SYN3: variants seen among roughly 807,000 people sequenced by gnomAD.
The protein encoded by SYN3 is synapsin-3.
A neutral mutation model predicts 65.8 loss-of-function variants in SYN3; 35 were observed. That is an observed-to-expected ratio of 0.53 (90% CI 0.41 to 0.70). The LOEUF (loss-of-function observed/expected upper bound fraction) is 0.70, where lower values mean the gene tolerates loss of function less well. Among genes scored for constraint, SYN3 ranks in the 30% least tolerant of loss-of-function variants. The pLI is 0.00. For synonymous variants in SYN3, 270 were observed against 292.9 expected, an observed-to-expected ratio of 0.92 and a Z score of 0.80; for missense variants, 680 against 749.0, an observed-to-expected ratio of 0.91 and a Z score of 1.08.
At chr22:32,610,278 C>A (rs1455708917) in intron 6 of SYN3, among the ~76,000 whole-genome samples, 1 of 150,828 alleles carries the variant, frequency 6.6e-6, no homozygotes, top group Non-Finnish European at 1.5e-5. Context: ...AAGATTCTGT[C>A]CCCCTGCCCC....
chr22:32,651,113 A>G (rs1304214119), intron 6 of SYN3, among the ~76,000 whole-genome samples: 1 of 152,174 alleles, frequency 6.6e-6, no homozygotes, highest in Non-Finnish European at 1.5e-5. Flanking sequence ...AAGAGCACAG[A>G]AGGCCAAGAA....
intron 4 of SYN3, among the ~76,000 whole-genome samples, chr22:32,891,650 GC>G (rs1450986383): frequency 2.0e-5 from 3 of 152,160 alleles, no homozygotes; most frequent in Non-Finnish European, 4.4e-5. Flanking sequence ...GCCTCAGTTT[GC>G]TTATCTGTAA....
chr22:32,835,912 A>G (rs1229787626), intron 6 of SYN3, among the ~76,000 whole-genome samples: 7 of 152,328 alleles, frequency 4.6e-5, no homozygotes, highest in Admixed American at 3.3e-4. Flanking sequence ...CTCCACCTCA[A>G]AGTTCTCACC....
At chr22:32,913,866 A>G (rs1306741997) in intron 4 of SYN3, among the ~76,000 whole-genome samples, 1 of 152,228 alleles carries the variant, frequency 6.6e-6, no homozygotes, top group Admixed American at 6.5e-5. Flanking sequence ...TAAAAATAGC[A>G]AAAGTCTCAC....
intron 4 of SYN3, among the ~76,000 whole-genome samples, chr22:32,926,627 T>C (rs1234913263): frequency 6.6e-6 from 1 of 152,238 alleles, no homozygotes. Context: ...TCTTTAACTT[T>C]CAAATTTTCT....
At chr22:33,020,214 G>A (rs527440193) in intron 1 of SYN3, among the ~76,000 whole-genome samples, 65 of 152,316 alleles carry the variant, frequency 4.3e-4, no homozygotes, top group Non-Finnish European at 8.1e-4. Context: ...CCATGGAAAC[G>A]TGTTTGTTCA....
chr22:32,527,860 G>C, intron 12 of SYN3, 58 bp downstream of exon 12: 1 of 1,427,176 alleles, frequency 7.0e-7, no homozygotes, highest in Non-Finnish European at 9.6e-7. Flanking sequence ...TGGATCCCTC[G>C]GTGCATTTCA....
At chr22:32,881,946 T>C (rs137504) in intron 4 of SYN3, among the ~76,000 whole-genome samples, 121,958 of 151,772 alleles carry the variant, frequency 0.8, 49,498 homozygotes, top group African/African-American at 0.88. Context: ...GTCCCAGCTA[T>C]TCGGAGACTG....
intron 7 of SYN3, among the ~76,000 whole-genome samples, chr22:32,585,062 C>T (rs2059003115): frequency 6.6e-6 from 1 of 152,194 alleles, no homozygotes; most frequent in Non-Finnish European, 1.5e-5. Flanking sequence ...TACCTGTGAC[C>T]TTGGGCAGAA....
chr22:32,918,809 A>G (rs2050258498), intron 4 of SYN3, among the ~76,000 whole-genome samples: 1 of 152,170 alleles, frequency 6.6e-6, no homozygotes, highest in African/African-American at 2.4e-5. Context: ...CACATCTATG[A>G]AGTGAGGACT....
chr22:32,882,598 C>T (rs1195259290), intron 4 of SYN3, among the ~76,000 whole-genome samples: 1 of 152,090 alleles, frequency 6.6e-6, no homozygotes, highest in Non-Finnish European at 1.5e-5. Context: ...GCAGCCTCTC[C>T]AATGTCACAC....
At chr22:32,886,075 T>C (rs2049279496) in intron 4 of SYN3, among the ~76,000 whole-genome samples, 1 of 152,224 alleles carries the variant, frequency 6.6e-6, no homozygotes, top group South Asian at 2.1e-4. Flanking sequence ...TTTATTTTCA[T>C]GGACAGCCAT....
At chr22:33,020,076 T>C (rs1451377368) in intron 1 of SYN3, among the ~76,000 whole-genome samples, 1 of 152,158 alleles carries the variant, frequency 6.6e-6, no homozygotes, top group East Asian at 1.9e-4. Context: ...CAACCATCCC[T>C]GAGAGTCATT....
At chr22:32,622,170 G>A (rs2059604848) in intron 6 of SYN3, among the ~76,000 whole-genome samples, 1 of 151,926 alleles carries the variant, frequency 6.6e-6, no homozygotes, top group Admixed American at 6.6e-5. Flanking sequence ...GACTGGAAAA[G>A]TCCACTTTGT....
rs932195282 is a variant in SYN3 at position 32,529,122 on chromosome 22, C to A, written c.1096-114G>T. Reference sequence around the variant, plus strand: ...CAGGACAGAAGTGACCACCAGATGGCGATGTCCTCCATGCAAATCACCTCC... The same window carrying A: ...CAGGACAGAAGTGACCACCAGATGGAGATGTCCTCCATGCAAATCACCTCC... On this transcript the variant is annotated intron_variant, in intron 10 of 13. Coordinates refer to ENST00000358763, the MANE Select transcript of SYN3 (RefSeq NM_003490.4). 31 of 1,319,246 alleles carry A rather than the reference C, an allele frequency of 2.3e-5. No individual in the cohort carries two copies. The African/African-American group carries it at 4.3e-4, about 18-fold the overall frequency. The allele number at this position is 1,319,246 out of a possible 1,614,324, so 81.7% of individuals were successfully genotyped here. A position where few individuals can be genotyped will look rare whatever the true frequency, so the allele number is the denominator to read the frequency against.
At chr22:32,647,086 G>A (rs1183080421) in intron 6 of SYN3, among the ~76,000 whole-genome samples, 1 of 152,166 alleles carries the variant, frequency 6.6e-6, no homozygotes, top group Non-Finnish European at 1.5e-5. Context: ...GGCTTGTCTG[G>A]TCACCTGTTT....
chr22:32,781,137 C>A (rs1389843368), intron 6 of SYN3, among the ~76,000 whole-genome samples: 2 of 135,278 alleles, frequency 1.5e-5, no homozygotes, highest in East Asian at 2.6e-4. Context: ...TAAACAAATC[C>A]TTTTAAATTG....
intron 7 of SYN3, among the ~76,000 whole-genome samples, chr22:32,576,164 G>A (rs2058847570): frequency 6.6e-6 from 1 of 152,112 alleles, no homozygotes; most frequent in Non-Finnish European, 1.5e-5. Flanking sequence ...TATCCACAGG[G>A]CTCCCAAGTA....
intron 6 of SYN3, among the ~76,000 whole-genome samples, chr22:32,631,404 G>A (rs2059746715): frequency 6.6e-6 from 1 of 151,990 alleles, no homozygotes; most frequent in African/African-American, 2.4e-5. Context: ...TGTCTCTTTA[G>A]GCTCTTAAAT....
Sources: gnomAD v4.1 joint callset for allele counts (sites outside exome capture counted in the v4.1 genomes callset) on GRCh38, gnomAD v4.1.1 for gene constraint, MANE v1.5 for transcripts, NCBI Gene and HGNC (gene_info 2026-07-23, HGNC 2026-07-21) for gene names.